Variants in DHRS4 observed in about 807,000 individuals in gnomAD.
The protein encoded by DHRS4 is dehydrogenase/reductase SDR family member 4.
In DHRS4, 20 loss-of-function variants were observed where a neutral mutation model predicts 28.4. That is an observed-to-expected ratio of 0.71 (90% confidence interval 0.50 to 1.02). The LOEUF is 1.02. Among genes scored for constraint, DHRS4 ranks in the 50% least tolerant of loss-of-function variants. DHRS4 has a pLI of 0.00. For synonymous variants in DHRS4, 144 were observed against 146.4 expected, an observed-to-expected ratio of 0.98 and a Z score of 0.12; for missense variants, 378 against 367.2, an observed-to-expected ratio of 1.03 and a Z score of -0.24.
At position 23,965,808 on chromosome 14, in the gene DHRS4, T is replaced by C. The variant is rs771222619; in HGVS notation, c.455T>C (p.Val152Ala). 5 of 1,606,660 alleles carry C rather than the reference T, an allele frequency of 3.1e-6. No individual in the cohort carries two copies. The highest frequency in any genetic ancestry group is 4.3e-6 in the Non-Finnish European group (5 of 1,176,074). Residue 152 changes from valine (V) to alanine (A), a missense_variant, in exon 4 of 8, where the codon GTG becomes GCG. By Grantham distance (64) the Val-to-Ala change is moderately conservative (BLOSUM62 0). Transcript: ENST00000313250. ...GCCCCAGCCCTGATGACAAAGGCAG[T>C]GGTGCCAGAAATGGAGAAACGAGGG... ...VKAPALMTKA[V>A]VPEMEKRGGG... is the part of the protein sequence containing the mutation.
At chr14:23,956,794 G>C (rs1209034039) in intron 2 of DHRS4, among the ~76,000 whole-genome samples, 1 of 152,054 alleles carries the variant, frequency 6.6e-6, no homozygotes, top group African/African-American at 2.4e-5. Context: ...GGTAGAGACA[G>C]GGTTTCACCA....
At chr14:23,959,388 T>C (rs980127899) in intron 2 of DHRS4, among the ~76,000 whole-genome samples, 3 of 152,048 alleles carry the variant, frequency 2.0e-5, no homozygotes, top group African/African-American at 7.2e-5. Flanking sequence ...CAAGACCCTG[T>C]CTCTATAAAA....
rs1364877193 is a variant in DHRS4 at position 23,959,906 on chromosome 14, T to C, written c.311T>C (p.Val104Ala). 6.2e-7 allele frequency: 1 copy of C among 1,613,186 alleles called. No homozygotes were observed. Among genetic ancestry groups the C allele is most frequent in the African/African-American group, 1.3e-5 (1 of 74,436 alleles). The change falls in exon 3 of 8, where the codon GTG becomes GCG. Residue 104 changes from valine (V) to alanine (A), a missense_variant. Coordinates refer to ENST00000313250, the MANE Select transcript of DHRS4 (RefSeq NM_021004.4). ...EDRERLVATA[V>A]KLHGGIDILV... Reference sequence around the variant, plus strand: ...AGAACTTACCCCTCTCTCTAGGCTGTGAAGCTTCATGGAGGTATCGATATC... The same window carrying C: ...AGAACTTACCCCTCTCTCTAGGCTGCGAAGCTTCATGGAGGTATCGATATC...
intron 6 of DHRS4, among the ~76,000 whole-genome samples, chr14:23,966,978 AC>A (rs1476850088): frequency 2.6e-5 from 4 of 151,960 alleles, no homozygotes; most frequent in Admixed American, 2.6e-4. Flanking sequence ...ACACGGTGAA[AC>A]CCCGTCTCTA....
chr14:23,956,562 C>G (rs1368326910), intron 2 of DHRS4, among the ~76,000 whole-genome samples: 1 of 148,482 alleles, frequency 6.7e-6, no homozygotes, highest in Non-Finnish European at 1.5e-5. Flanking sequence ...GGGGAAGGGG[C>G]TGCATTGGAA....
At chr14:23,966,160 A>C in intron 5 of DHRS4, 123 bp from the exon 6 acceptor site, 1 of 1,578,500 alleles carries the variant, frequency 6.3e-7, no homozygotes, top group East Asian at 2.2e-5. Flanking sequence ...GCCACAAGAC[A>C]GTTCCCTAAC....
At chr14:23,954,786 G>T (rs1269529543) in intron 1 of DHRS4, among the ~76,000 whole-genome samples, 6 of 152,226 alleles carry the variant, frequency 3.9e-5, no homozygotes, top group South Asian at 4.1e-4. Flanking sequence ...GTCACCCATG[G>T]TGGGAACTGT....
Position 23,955,084 on chromosome 14 carries a change from G to C in DHRS4, c.178G>C (p.Val60Leu), listed in dbSNP as rs1226999346. 6.2e-7 allele frequency: 1 copy of C among 1,614,090 alleles called. No individual in the cohort carries two copies. Among genetic ancestry groups the C allele is most frequent in the African/African-American group, 1.3e-5 (1 of 74,956 alleles). Residue 60 changes from valine to leucine, a missense_variant, in exon 2 of 8, where the codon GTC (valine) becomes CTC (leucine). Coordinates refer to ENST00000313250, the MANE Select transcript of DHRS4 (RefSeq NM_021004.4). ...TTTGGCCCAGGACGGGGCCCATGTGGTCGTCAGCAGCCGGAAGCAGCAGAA... is the reference window on the plus strand; with the variant it reads ...TTTGGCCCAGGACGGGGCCCATGTGCTCGTCAGCAGCCGGAAGCAGCAGAA... ...RRLAQDGAHVVVSSRKQQNVD... is the reference protein window; with the variant it reads ...RRLAQDGAHVLVSSRKQQNVD...
intron 6 of DHRS4, among the ~76,000 whole-genome samples, chr14:23,966,952 G>A (rs1205624799): frequency 3.3e-5 from 5 of 152,194 alleles, no homozygotes; most frequent in Admixed American, 1.3e-4. Context: ...TCAGGAGGTC[G>A]AGACCATCTT....
intron 3 of DHRS4, among the ~76,000 whole-genome samples, chr14:23,964,252 A>C (rs915110695): frequency 1.5e-5 from 2 of 136,484 alleles, no homozygotes; most frequent in Non-Finnish European, 3.1e-5. Context: ...AAAAAAAAAA[A>C]AACACAATAT....
rs761339706 is a variant in DHRS4 at position 23,955,164 on chromosome 14, C to T, written c.258C>T (p.Thr86=). The change falls in exon 2 of 8, where the codon ACC becomes ACT. Residue 86 remains threonine (T), a synonymous_variant. Transcript: ENST00000313250. ...GGGAGGGGCTGAGCGTGACGGGCAC[C>T]GTGTGCCATGTGGGGAAGGCGGAGG... ...LQGEGLSVTG[T]VCHVGKAEDR... 2.4e-4 allele frequency: 385 copies of T among 1,613,612 alleles called. 2 individuals are homozygous for T. In the South Asian group the frequency reaches 2.7e-3, roughly 12 times the overall value.
chr14:23,968,437 T>C (rs1409331457), intron 7 of DHRS4, among the ~76,000 whole-genome samples: 1 of 150,682 alleles, frequency 6.6e-6, no homozygotes, highest in Non-Finnish European at 1.5e-5. Context: ...TGAAACCATT[T>C]TTTTGAAGTA....
intron 7 of DHRS4, 125 bp from the exon 8 acceptor site, chr14:23,968,632 G>A (rs1365658178): frequency 1.3e-6 from 2 of 1,514,592 alleles, no homozygotes; most frequent in Admixed American, 2.0e-5. Flanking sequence ...CAGAAAGCTT[G>A]TACACTGACC....
At chr14:23,959,633 A>G (rs2033323684) in intron 2 of DHRS4, among the ~76,000 whole-genome samples, 2 of 151,728 alleles carry the variant, frequency 1.3e-5, no homozygotes, top group African/African-American at 2.4e-5. Flanking sequence ...TTTAAGAAAT[A>G]GAAGTTATTT....
intron 3 of DHRS4, among the ~76,000 whole-genome samples, chr14:23,960,741 T>G: frequency 6.6e-6 from 1 of 152,106 alleles, no homozygotes; most frequent in East Asian, 1.9e-4. Flanking sequence ...CCCATGGTTC[T>G]GCGTTTTACA....
chr14:23,958,364 G>A (rs145694444), intron 2 of DHRS4, among the ~76,000 whole-genome samples: 8 of 152,138 alleles, frequency 5.3e-5, no homozygotes, highest in Non-Finnish European at 1.2e-4. Context: ...AAAGTTGACC[G>A]AGGGCCCGTG....
intron 7 of DHRS4, chr14:23,967,631 T>C (rs2033679841): frequency 2.7e-6 from 1 of 375,770 alleles, no homozygotes; most frequent in South Asian, 2.1e-5. Flanking sequence ...AAAACTCAGG[T>C]TGATGATCTA....
At chr14:23,954,566 A>G (rs2033010503) in intron 1 of DHRS4, among the ~76,000 whole-genome samples, 1 of 152,338 alleles carries the variant, frequency 6.6e-6, no homozygotes, top group Non-Finnish European at 1.5e-5. Flanking sequence ...TCTTCCTCCC[A>G]AGGCAATATT....
At chr14:23,960,631 A>C (rs2033380722) in intron 3 of DHRS4, among the ~76,000 whole-genome samples, 1 of 130,830 alleles carries the variant, frequency 7.6e-6, no homozygotes, top group African/African-American at 4.1e-5. Flanking sequence ...AATATATTTC[A>C]CACACACTCT....
Sources: allele counts gnomAD v4.1 joint callset (sites outside exome capture counted in the v4.1 genomes callset), GRCh38; gene constraint gnomAD v4.1.1; transcripts MANE v1.5; gene names NCBI Gene and HGNC (gene_info 2026-07-23, HGNC 2026-07-21).